Variants in COBLL1 observed in about 807,000 individuals in gnomAD.
COBLL1 encodes the protein cordon-bleu protein-like 1.
In COBLL1, 50 loss-of-function variants were observed where a neutral mutation model predicts 94.8. The observed-to-expected ratio is 0.53, with a 90% confidence interval of 0.42 to 0.67. The LOEUF (loss-of-function observed/expected upper bound fraction) is 0.67. Ranked by LOEUF, COBLL1 falls within the 30% of genes least tolerant of loss-of-function variation. The pLI, the probability that COBLL1 is intolerant of heterozygous loss-of-function variation, is 0.00. For missense variants in COBLL1, 1,362 were observed against 1,348.7 expected (o/e 1.01, Z -0.15); for synonymous variants, 448 against 473.8 (o/e 0.95, Z 0.71).
chr2:164,679,676 T>C (rs1682953031), downstream of COBLL1, among the ~76,000 whole-genome samples: 1 of 149,790 alleles, frequency 6.7e-6, no homozygotes, highest in Non-Finnish European at 1.5e-5. Flanking sequence ...CTCTTAAAAA[T>C]AATGCCGTGT....
upstream of COBLL1, chr2:164,841,870 C>A (rs1044755160): frequency 2.0e-6 from 2 of 1,000,594 alleles, no homozygotes; most frequent in Non-Finnish European, 1.5e-6. This position sits in a 1 kb window ranked among gnomAD's most constrained non-coding sequence, Gnocchi z 5.5. Context: ...CGGGCAGGGC[C>A]GACTCAGCAC....
chr2:164,666,920 C>T (rs1035984250), intron 1 of COBLL1, among the ~76,000 whole-genome samples: 1 of 152,120 alleles, frequency 6.6e-6, no homozygotes, highest in Non-Finnish European at 1.5e-5. Context: ...CTTCCAAACT[C>T]TTTTTAATGT....
rs1335636518 is a variant in COBLL1, at chr2:164,743,767, T to C, written c.150A>G (p.Lys50=). The change falls in exon 3 of 14, where the codon AAA becomes AAG. Residue 50 remains lysine (K), a synonymous_variant. Coordinates refer to ENST00000652658, the MANE Select transcript of COBLL1 (RefSeq NM_001365672.2). The part of the protein sequence containing the change: ...VESTAFIMEQ[K]ENMIDKDVEL... ...CAACGTCTTTATCTATCATGTTTTC[T>C]TTCTGTTCCATGATGAAAGCAGTGG... 2 of 1,613,566 alleles carry C rather than the reference T, an allele frequency of 1.2e-6. No individual in the cohort carries two copies. The highest frequency in any genetic ancestry group is 8.5e-7 in the Non-Finnish European group (1 of 1,179,646).
intron 13 of COBLL1, among the ~76,000 whole-genome samples, chr2:164,690,168 C>A (rs997112919): frequency 6.6e-6 from 1 of 152,012 alleles, no homozygotes; most frequent in Non-Finnish European, 1.5e-5. Flanking sequence ...TACACAATAA[C>A]AACATTTTTA....
downstream of COBLL1, among the ~76,000 whole-genome samples, chr2:164,679,813 C>T (rs1361293842): frequency 6.6e-6 from 1 of 151,816 alleles, no homozygotes; most frequent in African/African-American, 2.4e-5. Flanking sequence ...GGAGGGATAT[C>T]ATTAAGAGAA....
intron 1 of COBLL1, among the ~76,000 whole-genome samples, chr2:164,667,635 C>A (rs1394733455): frequency 6.6e-6 from 1 of 152,212 alleles, no homozygotes; most frequent in Admixed American, 6.5e-5. Flanking sequence ...GAGACAGCTT[C>A]TTTTGTTAAA....
chr2:164,710,567 T>C (rs1684840086), intron 7 of COBLL1, among the ~76,000 whole-genome samples: 1 of 21,548 alleles, frequency 4.6e-5, no homozygotes, highest in Non-Finnish European at 9.0e-5. Flanking sequence ...AGCAGCATTC[T>C]TTTTTTTTTT....
chr2:164,668,635 T>C (rs937825787), intron 1 of COBLL1, among the ~76,000 whole-genome samples: 2 of 152,228 alleles, frequency 1.3e-5, no homozygotes, highest in South Asian at 4.1e-4. Context: ...AAATCCAATG[T>C]TCGTGAAGTG....
intron 11 of COBLL1, chr2:164,697,725 A>T (rs565989782): frequency 6.6e-6 from 1 of 152,158 alleles, no homozygotes; most frequent in South Asian, 2.1e-4. Context: ...CTACTTTACC[A>T]TTGTCTAACT....
At chr2:164,811,058 T>C (rs890744059) in intron 2 of COBLL1, among the ~76,000 whole-genome samples, 1 of 151,928 alleles carries the variant, frequency 6.6e-6, no homozygotes, top group Non-Finnish European at 1.5e-5. Context: ...GAATTAGTGA[T>C]GCAATTCATT....
chr2:164,719,522 C>T (rs2105492390), intron 7 of COBLL1, among the ~76,000 whole-genome samples: 1 of 152,308 alleles, frequency 6.6e-6, no homozygotes, highest in East Asian at 1.9e-4. Flanking sequence ...CTTGCCTCTT[C>T]CAGCTTCCAC....
chr2:164,708,774 T>C (rs538383661), intron 7 of COBLL1, among the ~76,000 whole-genome samples: 1 of 152,372 alleles, frequency 6.6e-6, no homozygotes, highest in East Asian at 1.9e-4. Flanking sequence ...AGTGGTAGCT[T>C]AAAGCATGAA....
At chr2:164,753,521 A>AGT (rs1168592645) in intron 2 of COBLL1, among the ~76,000 whole-genome samples, 1 of 152,126 alleles carries the variant, frequency 6.6e-6, no homozygotes, top group Non-Finnish European at 1.5e-5. Context: ...TACTCTTTCA[A>AGT]GTACCTTGTC....
intron 2 of COBLL1, among the ~76,000 whole-genome samples, chr2:164,807,856 G>T (rs1684256440): frequency 6.6e-6 from 1 of 151,890 alleles, no homozygotes; most frequent in Admixed American, 6.6e-5. Flanking sequence ...GAGTCTCGTT[G>T]TCACCTAGGC....
intron 2 of COBLL1, among the ~76,000 whole-genome samples, chr2:164,770,457 C>A (rs529683080): frequency 1.3e-5 from 2 of 152,188 alleles, no homozygotes; most frequent in Admixed American, 1.3e-4. Context: ...CATGCCTTCA[C>A]GAGCTGTAAA....
At chr2:164,789,365 G>T (rs910704659) in intron 2 of COBLL1, among the ~76,000 whole-genome samples, 1 of 152,056 alleles carries the variant, frequency 6.6e-6, no homozygotes, top group Non-Finnish European at 1.5e-5. Flanking sequence ...TAGCCAGATG[G>T]TACCCAAAGT....
At chr2:164,706,336 G>T (rs1684599604) in intron 7 of COBLL1, among the ~76,000 whole-genome samples, 1 of 152,128 alleles carries the variant, frequency 6.6e-6, no homozygotes, top group Admixed American at 6.6e-5. Flanking sequence ...TCAGTTTTCT[G>T]TGTCTGCTTC....
intron 2 of COBLL1, among the ~76,000 whole-genome samples, chr2:164,833,498 C>G (rs939640186): frequency 6.6e-6 from 1 of 150,546 alleles, no homozygotes; most frequent in Non-Finnish European, 1.5e-5. Flanking sequence ...TCGCCCAGGC[C>G]GGACTGCAGT....
intron 5 of COBLL1, 49 bp downstream of exon 5, chr2:164,727,920 T>C (rs1685793271): frequency 1.6e-6 from 2 of 1,281,428 alleles, no homozygotes; most frequent in Non-Finnish European, 2.2e-6. Flanking sequence ...CACAAACATA[T>C]ACAAATATAC....
Sources: gnomAD v4.1 joint callset for allele counts (sites outside exome capture counted in the v4.1 genomes callset) on GRCh38, gnomAD v4.1.1 for gene constraint, Gnocchi (gnomAD v3.1) non-coding constraint, MANE v1.5 for transcripts, NCBI Gene and HGNC (gene_info 2026-07-23, HGNC 2026-07-21) for gene names.